PCBD2: variants seen among roughly 807,000 people sequenced by gnomAD.
PCBD2 encodes pterin-4 alpha-carbinolamine dehydratase 2, also known as pterin-4-alpha-carbinolamine dehydratase 2.
PCBD2 carries 12 observed loss-of-function variants against 16.4 expected under a neutral mutation model. The ratio of observed to expected loss-of-function variants is 0.73; its 90% CI spans 0.47 to 1.19. The LOEUF (loss-of-function observed/expected upper bound fraction) is 1.19, where lower values mean the gene tolerates loss of function less well. PCBD2 is among the 50% of genes most tolerant of loss of function. The pLI, the probability that PCBD2 is intolerant of heterozygous loss-of-function variation, is 0.00. For missense variants in PCBD2, 138 were observed against 156.8 expected (o/e 0.88, Z 0.64); for synonymous variants, 58 against 61.8 (o/e 0.94, Z 0.29).
At chr5:134,920,259 TTGAGATCA>T (rs1439846611) in intron 2 of PCBD2, among the ~76,000 whole-genome samples, 3 of 152,200 alleles carry the variant, frequency 2.0e-5, no homozygotes, top group Non-Finnish European at 4.4e-5. Flanking sequence ...CTAAACAAGA[TTGAGATCA>T]TGGAATTACT....
intron 2 of PCBD2, among the ~76,000 whole-genome samples, chr5:134,918,411 AG>A (rs1428507411): frequency 2.0e-5 from 3 of 152,234 alleles, no homozygotes; most frequent in Non-Finnish European, 2.9e-5. Flanking sequence ...AGGCTGAGGC[AG>A]GAGAATGGCT....
At chr5:134,913,860 C>T (rs1431780044) in intron 2 of PCBD2, among the ~76,000 whole-genome samples, 1 of 152,004 alleles carries the variant, frequency 6.6e-6, no homozygotes, top group Non-Finnish European at 1.5e-5. Context: ...AAGGATGGCA[C>T]CAAGGTTTTG....
intron 2 of PCBD2, among the ~76,000 whole-genome samples, chr5:134,922,028 T>G (rs1750909240): frequency 6.6e-6 from 1 of 152,230 alleles, no homozygotes; most frequent in South Asian, 2.1e-4. Context: ...GAAGCCTCTT[T>G]GCTCAGAGAT....
At chr5:134,927,097 T>C (rs533912585) in intron 2 of PCBD2, 2 of 398,564 alleles carry the variant, frequency 5.0e-6, no homozygotes, top group Admixed American at 8.8e-5. Flanking sequence ...ACTATGAGAA[T>C]GACTGCGCCG....
intron 2 of PCBD2, among the ~76,000 whole-genome samples, chr5:134,947,511 C>A (rs1003644700): frequency 6.6e-6 from 1 of 151,740 alleles, no homozygotes; most frequent in East Asian, 1.9e-4. Flanking sequence ...CCTCAGCCTC[C>A]CGAGTAGGTG....
At chr5:134,938,028 G>C (rs534692727) in intron 2 of PCBD2, among the ~76,000 whole-genome samples, 1 of 152,284 alleles carries the variant, frequency 6.6e-6, no homozygotes, top group South Asian at 2.1e-4. Context: ...AATTTGAATG[G>C]AATTGCTTTT....
At chr5:134,931,197 C>T (rs780552902) in intron 2 of PCBD2, among the ~76,000 whole-genome samples, 23 of 152,106 alleles carry the variant, frequency 1.5e-4, no homozygotes, top group South Asian at 4.1e-4. Context: ...GCCACCGCGC[C>T]GGCCTTCTTT....
At chr5:134,915,436 A>ATTTTT (rs760173801) in intron 2 of PCBD2, among the ~76,000 whole-genome samples, 4 of 114,220 alleles carry the variant, frequency 3.5e-5, no homozygotes, top group Admixed American at 8.8e-5. Context: ...TGGGCCTCTA[A>ATTTTT]TTTTTTTTTT....
chr5:134,911,345 A>T (rs1249441371), intron 2 of PCBD2, among the ~76,000 whole-genome samples: 3 of 152,206 alleles, frequency 2.0e-5, no homozygotes, highest in Non-Finnish European at 4.4e-5. Context: ...TTAACAAGGT[A>T]ACTGTTCCAT....
chr5:134,939,433 A>G (rs1235453058), intron 2 of PCBD2, among the ~76,000 whole-genome samples: 1 of 151,858 alleles, frequency 6.6e-6, no homozygotes, highest in Admixed American at 6.6e-5. Flanking sequence ...GCTGGGCCAT[A>G]GGAGGAATCT....
chr5:134,924,245 T>A, intron 2 of PCBD2: 1 of 395,518 alleles, frequency 2.5e-6, no homozygotes, highest in Non-Finnish European at 4.5e-6. Context: ...TTGGGTGTGT[T>A]ATTATTCTGA....
chr5:134,938,967 A>G (rs1342248755), intron 2 of PCBD2, among the ~76,000 whole-genome samples: 1 of 152,168 alleles, frequency 6.6e-6, no homozygotes, highest in Non-Finnish European at 1.5e-5. Flanking sequence ...CTTTACTTAA[A>G]TGGGATAATG....
At chr5:134,945,920 C>G (rs931707028) in intron 2 of PCBD2, among the ~76,000 whole-genome samples, 4 of 152,074 alleles carry the variant, frequency 2.6e-5, no homozygotes, top group African/African-American at 7.2e-5. Context: ...TGAGACATAG[C>G]TAGGATTAGC....
Position 134,960,742 on chromosome 5 carries a change from A to T in PCBD2, c.*61A>T. On this transcript the variant is annotated 3_prime_UTR_variant, in exon 4 of 4. Transcript: ENST00000254908. ...CTTAGCTGCAATGTATGTTGAAGGA[A>T]ATTTATGTGAACAAATAGAGTTGTT... The T allele has an allele frequency of 1.6e-6, 2 of 1,278,180 alleles. No individual in the cohort carries two copies. Among genetic ancestry groups the T allele is most frequent in the Middle Eastern group, 4.7e-4 (2 of 4,254 alleles). The allele number at this position is 1,278,180 out of a possible 1,614,324, so 79.2% of individuals were successfully genotyped here.
chr5:134,947,115 G>A (rs1269656092), intron 2 of PCBD2, among the ~76,000 whole-genome samples: 1 of 149,994 alleles, frequency 6.7e-6, no homozygotes, highest in Non-Finnish European at 1.5e-5. Context: ...TTTTTGAGAT[G>A]GAGTTTTGCT....
At chr5:134,944,532 T>TAA (rs148980958) in intron 2 of PCBD2, among the ~76,000 whole-genome samples, 1 of 145,350 alleles carries the variant, frequency 6.9e-6, no homozygotes, top group African/African-American at 2.5e-5. Context: ...TCAGTGACAT[T>TAA]AAAAAAAAAA....
intron 2 of PCBD2, chr5:134,926,407 G>T: frequency 2.6e-6 from 1 of 389,564 alleles, no homozygotes; most frequent in Non-Finnish European, 4.5e-6. Flanking sequence ...GGTAAGGATA[G>T]GGGGAATTAA....
intron 3 of PCBD2, 83 bp from the exon 4 acceptor site, chr5:134,960,503 A>G: frequency 1.1e-6 from 1 of 918,064 alleles, no homozygotes; most frequent in Non-Finnish European, 1.7e-6. Flanking sequence ...AATGTTGAAT[A>G]ATAGACTGAT....
chr5:134,920,201 G>T (rs1046643062), intron 2 of PCBD2, among the ~76,000 whole-genome samples: 23 of 152,098 alleles, frequency 1.5e-4, no homozygotes, highest in Admixed American at 1.4e-3. Context: ...TTTGATCTAG[G>T]TTAGAGTGGG....
Sources: allele counts gnomAD v4.1 joint callset (sites outside exome capture counted in the v4.1 genomes callset), GRCh38; gene constraint gnomAD v4.1.1; transcripts MANE v1.5; gene names NCBI Gene and HGNC (gene_info 2026-07-23, HGNC 2026-07-21).